Variants in CNTN5 observed in about 807,000 individuals in gnomAD.
CNTN5 encodes the protein contactin 5, also known as contactin-5.
CNTN5 carries 77 observed loss-of-function variants against 129.1 expected under a neutral mutation model. The observed-to-expected ratio is 0.60, with a 90% CI of 0.50 to 0.72. CNTN5 has a LOEUF of 0.72. CNTN5 is among the 30% of genes least tolerant of loss of function. The pLI, the probability that CNTN5 is intolerant of heterozygous loss-of-function variation, is 0.00. For synonymous variants in CNTN5, 509 were observed against 465.6 expected (o/e 1.09, Z -1.20); for missense variants, 1,478 against 1,328.8 (o/e 1.11, Z -1.75).
chr11:99,439,707 C>CAAAAAAAAAAAAAAAAA (rs376871051), intron 2 of CNTN5, among the ~76,000 whole-genome samples: 6 of 95,398 alleles, frequency 6.3e-5, no homozygotes, highest in South Asian at 4.0e-4. Context: ...GACTCTGTCT[C>CAAAAAAAAAAAAAAAAA]AAAAAAAAAA....
chr11:99,139,146 G>C (rs1405575461), intron 1 of CNTN5, among the ~76,000 whole-genome samples: 1 of 141,948 alleles, frequency 7.0e-6, no homozygotes, highest in Non-Finnish European at 1.5e-5. Context: ...CCATTCCTGC[G>C]GTCCCAGCTA....
intron 15 of CNTN5, among the ~76,000 whole-genome samples, chr11:100,195,233 A>G (rs1948606474): frequency 6.6e-6 from 1 of 151,982 alleles, no homozygotes; most frequent in African/African-American, 2.4e-5. Context: ...ATCCCTTTTG[A>G]GTGATCACAT....
chr11:99,404,804 A>T (rs899062944), intron 2 of CNTN5, among the ~76,000 whole-genome samples: 2 of 152,076 alleles, frequency 1.3e-5, no homozygotes, highest in African/African-American at 4.8e-5. Flanking sequence ...ACTTACTATT[A>T]CCAGTGAGTT....
intron 2 of CNTN5, among the ~76,000 whole-genome samples, chr11:99,470,418 T>A (rs1397797939): frequency 6.6e-6 from 1 of 152,194 alleles, no homozygotes; most frequent in East Asian, 1.9e-4. Context: ...TGTATTCTAA[T>A]AATTCTAGTA....
chr11:99,252,511 AC>A (rs1565439408), intron 1 of CNTN5, among the ~76,000 whole-genome samples: 2 of 151,866 alleles, frequency 1.3e-5, no homozygotes, highest in Non-Finnish European at 2.9e-5. Context: ...AAAGAAAAAA[AC>A]ATCTAATGTC....
intron 3 of CNTN5, among the ~76,000 whole-genome samples, chr11:99,818,622 C>T (rs777265443): frequency 2.0e-5 from 3 of 152,122 alleles, no homozygotes; most frequent in Non-Finnish European, 4.4e-5. Flanking sequence ...TGATACTGTA[C>T]ATATAAAAAA....
intron 16 of CNTN5, among the ~76,000 whole-genome samples, chr11:100,246,764 ATT>A (rs978260753): frequency 1.3e-5 from 2 of 152,190 alleles, no homozygotes; most frequent in African/African-American, 4.8e-5. Context: ...TTTTTCTCAG[ATT>A]TTGATTGGCC....
At chr11:99,978,585 A>G (rs930436625) in intron 8 of CNTN5, among the ~76,000 whole-genome samples, 9 of 152,200 alleles carry the variant, frequency 5.9e-5, no homozygotes, top group South Asian at 2.1e-4. Flanking sequence ...TTGTATTACA[A>G]TTGTCTACAG....
At chr11:99,154,551 C>A (rs1860240461) in intron 1 of CNTN5, among the ~76,000 whole-genome samples, 1 of 152,116 alleles carries the variant, frequency 6.6e-6, no homozygotes. Flanking sequence ...TGTGTGCTGA[C>A]AAAGTGGTGT....
chr11:100,321,801 T>G (rs936269586), intron 21 of CNTN5, among the ~76,000 whole-genome samples: 2 of 152,240 alleles, frequency 1.3e-5, no homozygotes, highest in Admixed American at 1.3e-4. Context: ...TTTACTGAAA[T>G]GATCATATGG....
At chr11:99,568,748 A>G (rs1949083904) in intron 3 of CNTN5, among the ~76,000 whole-genome samples, 1 of 152,264 alleles carries the variant, frequency 6.6e-6, no homozygotes. Context: ...AACTAATTAC[A>G]AGAATGAGTT....
At chr11:99,451,434 T>A (rs892561513) in intron 2 of CNTN5, among the ~76,000 whole-genome samples, 11 of 152,128 alleles carry the variant, frequency 7.2e-5, no homozygotes, top group Non-Finnish European at 4.4e-5. Context: ...GGCTACACAA[T>A]GAAAAATGTT....
intron 6 of CNTN5, among the ~76,000 whole-genome samples, chr11:99,896,815 G>T (rs539201924): frequency 5.9e-5 from 9 of 152,144 alleles, no homozygotes; most frequent in Non-Finnish European, 1.3e-4. Context: ...TCCCAGCTGA[G>T]GGTTCCTGCT....
rs12277543 is a variant in CNTN5, at chr11:99,031,248, T to C, written c.-210+9978T>C. On this transcript the variant is annotated intron_variant, in intron 1 of 24. Coordinates refer to ENST00000524871, the MANE Select transcript of CNTN5 (RefSeq NM_014361.4). ...CATCTAGATATATTACTATGGTAGCTTTTTTGGATTGGCTACTATGTCAAT... is the reference window on the plus strand; with the variant it reads ...CATCTAGATATATTACTATGGTAGCCTTTTTGGATTGGCTACTATGTCAAT... Among the ~76,000 whole-genome samples the C allele has an allele frequency of 9.6e-3, 1,468 of 152,278 alleles. 24 individuals carry two copies. The highest frequency in any genetic ancestry group is 0.034 in the African/African-American group (1,394 of 41,550).
chr11:99,089,332 G>A (rs1321143834), intron 1 of CNTN5, among the ~76,000 whole-genome samples: 1 of 151,958 alleles, frequency 6.6e-6, no homozygotes, highest in Non-Finnish European at 1.5e-5. Flanking sequence ...TTATGTCTTG[G>A]CAAACACTTT....
chr11:100,191,123 C>T lies in CNTN5; in HGVS notation c.1581-3C>T, dbSNP rs759839291. 6.4e-7 allele frequency: 1 copy of T among 1,573,672 alleles called. No homozygotes were observed. ...AAAAAAACTGTTTTTAAATAATTTT[C>T]AGAATAGCTATTCTTCCAGACGGGA... On this transcript the variant is annotated splice_polypyrimidine_tract_variant and splice_region_variant and intron_variant, in intron 13 of 24. Coordinates refer to ENST00000524871, the MANE Select transcript of CNTN5 (RefSeq NM_014361.4).
At chr11:99,575,528 C>T (rs1414959519) in intron 3 of CNTN5, among the ~76,000 whole-genome samples, 1 of 152,164 alleles carries the variant, frequency 6.6e-6, no homozygotes, top group African/African-American at 2.4e-5. Flanking sequence ...GAAAGGCTGA[C>T]GTGCTTCCTG....
intron 3 of CNTN5, among the ~76,000 whole-genome samples, chr11:99,689,328 C>T (rs577906586): frequency 2.0e-5 from 3 of 151,810 alleles, no homozygotes; most frequent in South Asian, 2.1e-4. Context: ...GAGATCGAGA[C>T]CATCCTGGCT....
chr11:100,025,393 G>A (rs74208697), intron 9 of CNTN5, among the ~76,000 whole-genome samples: 9,724 of 152,280 alleles, frequency 0.064, 433 homozygotes, highest in East Asian at 0.2. Flanking sequence ...GAGCTTTCAT[G>A]GAGAACCTAT....
Sources: allele counts gnomAD v4.1 joint callset (sites outside exome capture counted in the v4.1 genomes callset), GRCh38; gene constraint gnomAD v4.1.1; transcripts MANE v1.5; gene names NCBI Gene and HGNC (gene_info 2026-07-23, HGNC 2026-07-21).